The following ZDHHC13 variants were observed in gnomAD, a reference collection of about 807,000 sequenced individuals.
The protein encoded by ZDHHC13 is zDHHC palmitoyltransferase 13, also known as palmitoyltransferase ZDHHC13.
ZDHHC13 carries 85 observed loss-of-function variants against 86.0 expected under a neutral mutation model. The ratio of observed to expected loss-of-function variants is 0.99; its 90% CI spans 0.83 to 1.18. The LOEUF is 1.18. Ranked by LOEUF, ZDHHC13 falls within the 50% of genes most tolerant of loss-of-function variation. The pLI, the probability that ZDHHC13 is intolerant of heterozygous loss-of-function variation, is 0.00. For synonymous variants in ZDHHC13, 263 were observed against 246.4 expected (o/e 1.07, Z -0.63); for missense variants, 711 against 730.2 (o/e 0.97, Z 0.30).
intron 1 of ZDHHC13, chr11:19,118,043 T>C (rs1275993841): frequency 6.6e-6 from 1 of 152,274 alleles, no homozygotes; most frequent in Non-Finnish European, 1.5e-5. Context: ...TCACTTAATA[T>C]TTATTGAATA....
At chr11:19,127,143 G>A (rs979088571) in intron 1 of ZDHHC13, among the ~76,000 whole-genome samples, 1 of 152,138 alleles carries the variant, frequency 6.6e-6, no homozygotes, top group Non-Finnish European at 1.5e-5. Context: ...TTGAATAATA[G>A]CATTCTGACT....
intron 1 of ZDHHC13, among the ~76,000 whole-genome samples, chr11:19,135,459 T>C (rs910802506): frequency 8.5e-5 from 13 of 152,178 alleles, no homozygotes; most frequent in African/African-American, 2.9e-4. Context: ...AGCACAGCAG[T>C]CTGAGATCAA....
chr11:19,163,025 T>G (rs573561312), intron 10 of ZDHHC13, among the ~76,000 whole-genome samples: 1 of 152,276 alleles, frequency 6.6e-6, no homozygotes, highest in East Asian at 1.9e-4. Flanking sequence ...ATAAATTTAT[T>G]TGGTCTTGAG....
intron 4 of ZDHHC13, 36 bp downstream of exon 4, chr11:19,147,709 C>T (rs1347995878): frequency 6.8e-7 from 1 of 1,467,780 alleles, no homozygotes; most frequent in East Asian, 2.5e-5. Flanking sequence ...TAAATAGCCA[C>T]ATATAGCTAG....
At chr11:19,157,934 G>T (rs1849803981) in intron 9 of ZDHHC13, among the ~76,000 whole-genome samples, 1 of 152,210 alleles carries the variant, frequency 6.6e-6, no homozygotes, top group Admixed American at 6.5e-5. Flanking sequence ...GATCTGGGCT[G>T]TTAACCTGAC....
intron 10 of ZDHHC13, among the ~76,000 whole-genome samples, chr11:19,159,979 C>T (rs1318917580): frequency 1.3e-5 from 2 of 151,918 alleles, no homozygotes; most frequent in Non-Finnish European, 2.9e-5. Flanking sequence ...AGAAATATAC[C>T]TTTCAGTGTG....
At chr11:19,154,152 T>C (rs993958324) in intron 8 of ZDHHC13, among the ~76,000 whole-genome samples, 2 of 152,206 alleles carry the variant, frequency 1.3e-5, no homozygotes, top group Non-Finnish European at 2.9e-5. Context: ...TATTTATTTG[T>C]CTATCTTCCC....
intron 1 of ZDHHC13, among the ~76,000 whole-genome samples, chr11:19,120,333 CTA>C (rs917008214): frequency 4.5e-4 from 68 of 152,330 alleles, no homozygotes; most frequent in African/African-American, 1.3e-3. Flanking sequence ...GGGCCAGTAT[CTA>C]TGAGTGTCTT....
chr11:19,167,460 C>T (rs1005515470), intron 14 of ZDHHC13: 1 of 152,192 alleles, frequency 6.6e-6, no homozygotes, highest in African/African-American at 2.4e-5. Flanking sequence ...GCCCCCCAGG[C>T]TCCCAGTTTC....
At chr11:19,147,749 CGATTTGAAAGG>C in intron 4 of ZDHHC13, 76 bp downstream of exon 4, 6 of 900,882 alleles carry the variant, frequency 6.7e-6, no homozygotes, top group South Asian at 5.3e-5. Flanking sequence ...CAGTTATAGA[CGATTTGAAAGG>C]CTGTCTTTTC....
At chr11:19,122,418 T>G (rs1406500653) in intron 1 of ZDHHC13, among the ~76,000 whole-genome samples, 1 of 152,180 alleles carries the variant, frequency 6.6e-6, no homozygotes, top group Non-Finnish European at 1.5e-5. Flanking sequence ...CTTATTATTA[T>G]TATTATTATT....
At chr11:19,142,932 T>C in intron 1 of ZDHHC13, 46 bp from the exon 2 acceptor site, 2 of 1,528,922 alleles carry the variant, frequency 1.3e-6, no homozygotes, top group Non-Finnish European at 1.8e-6. Context: ...TAATTGAGTG[T>C]GACATTAATT....
chr11:19,126,792 A>G (rs1207118435), intron 1 of ZDHHC13, among the ~76,000 whole-genome samples: 1 of 152,110 alleles, frequency 6.6e-6, no homozygotes, highest in Non-Finnish European at 1.5e-5. Context: ...ACATGATCTC[A>G]TTCTTTTTTA....
chr11:19,135,552 G>T (rs367885783), intron 1 of ZDHHC13, among the ~76,000 whole-genome samples: 1 of 152,194 alleles, frequency 6.6e-6, no homozygotes, highest in Non-Finnish European at 1.5e-5. Flanking sequence ...CGGGAAGCTC[G>T]AACTGGGTGG....
At position 19,135,479 on chromosome 11, in the gene ZDHHC13, C is replaced by T. The variant is rs536824544; in HGVS notation, c.28-7499C>T. Among the ~76,000 whole-genome samples the T allele has an allele frequency of 7.3e-3, 1,118 of 152,348 alleles. 19 individuals are homozygous for T. Among genetic ancestry groups the T allele is most frequent in the African/African-American group, 0.026 (1,069 of 41,594 alleles). ...AGCAGTCTGAGATCAAACTGCAAGG[C>T]GGCAGCGAGGCTGGGGAGGGGCGCC... On this transcript the variant is annotated intron_variant, in intron 1 of 16. Coordinates refer to ENST00000446113, the MANE Select transcript of ZDHHC13 (RefSeq NM_019028.3).
intron 10 of ZDHHC13, among the ~76,000 whole-genome samples, chr11:19,162,297 T>G (rs1435440558): frequency 1.3e-5 from 2 of 152,146 alleles, no homozygotes. Context: ...AGCTCCATAT[T>G]GAGAGACTTA....
chr11:19,133,586 C>T (rs915651846), intron 1 of ZDHHC13, among the ~76,000 whole-genome samples: 1 of 151,948 alleles, frequency 6.6e-6, no homozygotes, highest in Non-Finnish European at 1.5e-5. Flanking sequence ...TTGTAGCTTT[C>T]ATAACAACAT....
chr11:19,170,313 C>T, intron 14 of ZDHHC13, 98 bp from the exon 15 acceptor site: 1 of 1,454,730 alleles, frequency 6.9e-7, no homozygotes, highest in Non-Finnish European at 9.0e-7. Flanking sequence ...CATACTTTCT[C>T]TTCTCCCTAT....
At chr11:19,155,277 CAA>C (rs1320942792) in intron 8 of ZDHHC13, among the ~76,000 whole-genome samples, 1 of 152,082 alleles carries the variant, frequency 6.6e-6, no homozygotes, top group Non-Finnish European at 1.5e-5. Context: ...GAAAACAAAA[CAA>C]AATATGTTTA....
Sources: allele counts gnomAD v4.1 joint callset (sites outside exome capture counted in the v4.1 genomes callset), GRCh38; gene constraint gnomAD v4.1.1; transcripts MANE v1.5; gene names NCBI Gene and HGNC (gene_info 2026-07-23, HGNC 2026-07-21).